The following FHIT variants were observed in gnomAD, a reference collection of about 807,000 sequenced individuals.
FHIT encodes fragile histidine triad diadenosine triphosphatase.
FHIT carries 19 observed loss-of-function variants against 17.9 expected under a neutral mutation model. The observed-to-expected ratio is 1.06, with a 90% CI of 0.74 to 1.56. FHIT has a LOEUF of 1.56. Ranked by LOEUF, FHIT falls within the 40% of genes most tolerant of loss-of-function variation. FHIT has a pLI of 0.00. For synonymous variants in FHIT, 81 were observed against 69.7 expected (o/e 1.16, Z -0.81); for missense variants, 248 against 189.2 (o/e 1.31, Z -1.82).
chr3:60,173,975 G>A (rs1204975143), intron 5 of FHIT, among the ~76,000 whole-genome samples: 2 of 138,954 alleles, frequency 1.4e-5, no homozygotes, highest in Admixed American at 7.6e-5. Flanking sequence ...GTGCAGTGGC[G>A]CGATCTTGGT....
chr3:60,391,095 C>T (rs774665903), intron 5 of FHIT, among the ~76,000 whole-genome samples: 13 of 151,846 alleles, frequency 8.6e-5, no homozygotes, highest in East Asian at 1.9e-4. Context: ...GGCTGAAGGA[C>T]GAGAATTGCT....
chr3:60,169,610 A>C (rs1275605028), intron 5 of FHIT, among the ~76,000 whole-genome samples: 40 of 152,204 alleles, frequency 2.6e-4, no homozygotes, highest in Admixed American at 2.6e-3. Flanking sequence ...CCCCTTTCAA[A>C]GGTTAGAATA....
chr3:60,059,036 G>A (rs1702197895), intron 5 of FHIT, among the ~76,000 whole-genome samples: 1 of 152,168 alleles, frequency 6.6e-6, no homozygotes, highest in African/African-American at 2.4e-5. Flanking sequence ...ACAGTAGGTA[G>A]GTAGTCAGGC....
intron 4 of FHIT, among the ~76,000 whole-genome samples, chr3:60,538,650 A>C (rs1338272127): frequency 6.6e-6 from 1 of 152,172 alleles, no homozygotes; most frequent in East Asian, 1.9e-4. Context: ...ATCTACAACT[A>C]TCTGATCTTT....
At chr3:60,132,695 T>G (rs969535461) in intron 5 of FHIT, among the ~76,000 whole-genome samples, 2 of 152,152 alleles carry the variant, frequency 1.3e-5, no homozygotes, top group Admixed American at 1.3e-4. Context: ...GAAAAATCTC[T>G]GTACATTTTC....
At chr3:60,171,203 C>T (rs540572522) in intron 5 of FHIT, among the ~76,000 whole-genome samples, 2 of 151,766 alleles carry the variant, frequency 1.3e-5, no homozygotes, top group African/African-American at 2.4e-5. Flanking sequence ...TTTTTAAATA[C>T]CTTCTTTCCT....
At chr3:59,838,182 T>C (rs1258629657) in intron 8 of FHIT, among the ~76,000 whole-genome samples, 1 of 152,066 alleles carries the variant, frequency 6.6e-6, no homozygotes. Flanking sequence ...GGCTGAAATA[T>C]TACAGCTTTC....
intron 2 of FHIT, among the ~76,000 whole-genome samples, chr3:61,073,277 C>G (rs968010052): frequency 6.6e-6 from 1 of 152,160 alleles, no homozygotes; most frequent in African/African-American, 2.4e-5. Context: ...AACTGTGAGT[C>G]TTAATCAAGT....
At chr3:60,273,548 G>A (rs1706972660) in intron 5 of FHIT, among the ~76,000 whole-genome samples, 1 of 152,118 alleles carries the variant, frequency 6.6e-6, no homozygotes, top group African/African-American at 2.4e-5. Flanking sequence ...GGCAGAGGCT[G>A]CAGTGAGCTG....
intron 8 of FHIT, among the ~76,000 whole-genome samples, chr3:59,866,194 T>G (rs607730): frequency 0.55 from 82,944 of 151,630 alleles, 24,034 homozygotes; most frequent in African/African-American, 0.75. Flanking sequence ...TGGGGTTTGG[T>G]GGGGAATCTG....
intron 5 of FHIT, among the ~76,000 whole-genome samples, chr3:60,081,800 C>G (rs1703297004): frequency 6.6e-6 from 1 of 152,076 alleles, no homozygotes; most frequent in South Asian, 2.1e-4. Flanking sequence ...CCAGGAATAA[C>G]AGCCATGCAT....
chr3:60,045,199 G>A (rs1471311554), intron 5 of FHIT, among the ~76,000 whole-genome samples: 8 of 152,076 alleles, frequency 5.3e-5, no homozygotes, highest in Non-Finnish European at 1.0e-4. Context: ...TTAAAATGAT[G>A]TATTATTCCA....
At chr3:61,203,134 C>T (rs1223843857) in intron 1 of FHIT, among the ~76,000 whole-genome samples, 6 of 146,960 alleles carry the variant, frequency 4.1e-5, no homozygotes, top group Admixed American at 7.0e-5. Context: ...GAGCAGAGAT[C>T]GCACCACTGC....
chr3:60,525,929 C>G (rs62251667), intron 5 of FHIT, among the ~76,000 whole-genome samples: 33,071 of 151,966 alleles, frequency 0.22, 4,082 homozygotes, highest in Non-Finnish European at 0.27. Context: ...ATGGTGAAAC[C>G]TTGTCTCTAC....
At chr3:60,183,164 G>A (rs568509528) in intron 5 of FHIT, among the ~76,000 whole-genome samples, 12 of 152,228 alleles carry the variant, frequency 7.9e-5, no homozygotes, top group African/African-American at 2.4e-4. Flanking sequence ...TTGGGAGGCC[G>A]AGGCGTGCAC....
At chr3:60,642,780 C>T (rs1553685706) in intron 4 of FHIT, among the ~76,000 whole-genome samples, 2 of 152,100 alleles carry the variant, frequency 1.3e-5, no homozygotes. Context: ...GATGCCAACC[C>T]TGCTTCCTCT....
chr3:61,044,166 G>A (rs917942909), intron 2 of FHIT, among the ~76,000 whole-genome samples: 1 of 152,034 alleles, frequency 6.6e-6, no homozygotes, highest in Non-Finnish European at 1.5e-5. Context: ...TCAGACGATT[G>A]TTAGTAACAA....
rs534814544 is a variant in FHIT at position 61,219,680 on chromosome 3, C to T, written c.-212-19015G>A. Among the ~76,000 whole-genome samples the T allele has an allele frequency of 1.1e-4, 17 of 152,198 alleles. No individual in the cohort carries two copies. The South Asian group carries it at 3.5e-3, about 32-fold the overall frequency. ...AATTAAATTTAAATGAATCCAAATA[C>T]TTTGGGCTTCAGTTCTCCTAAAAGA... On this transcript the variant is annotated intron_variant, in intron 1 of 9. Coordinates refer to ENST00000492590, the MANE Select transcript of FHIT (RefSeq NM_002012.4).
intron 7 of FHIT, among the ~76,000 whole-genome samples, chr3:59,985,506 A>G (rs1385155219): frequency 1.3e-5 from 2 of 152,156 alleles, no homozygotes; most frequent in African/African-American, 2.4e-5. Context: ...TTTTACATTG[A>G]ATCTTGAACA....
Sources: allele counts gnomAD v4.1 joint callset (sites outside exome capture counted in the v4.1 genomes callset), GRCh38; gene constraint gnomAD v4.1.1; transcripts MANE v1.5; gene names NCBI Gene and HGNC (gene_info 2026-07-23, HGNC 2026-07-21).